PTPRD: variants seen among roughly 807,000 people sequenced by gnomAD.
PTPRD encodes protein tyrosine phosphatase receptor type D, also known as receptor-type tyrosine-protein phosphatase delta.
A neutral mutation model predicts 214.5 loss-of-function variants in PTPRD; 34 were observed. The ratio of observed to expected loss-of-function variants is 0.16; its 90% confidence interval spans 0.12 to 0.21. PTPRD has a LOEUF of 0.21. PTPRD is among the 10% of genes least tolerant of loss of function. PTPRD has a pLI of 1.00. For missense variants in PTPRD, 2,545 were observed against 2,398.7 expected (o/e 1.06, Z -1.27); for synonymous variants, 1,128 against 845.7 (o/e 1.33, Z -5.79).
chr9:9,202,650 A>C (rs971033235), intron 9 of PTPRD, among the ~76,000 whole-genome samples: 3 of 152,188 alleles, frequency 2.0e-5, no homozygotes, highest in African/African-American at 7.2e-5. Context: ...TCTGTCTTGC[A>C]GTTGTGAATT....
At chr9:9,857,758 C>G (rs2061832462) in intron 5 of PTPRD, among the ~76,000 whole-genome samples, 2 of 152,146 alleles carry the variant, frequency 1.3e-5, no homozygotes, top group African/African-American at 4.8e-5. Flanking sequence ...GCAAACACTC[C>G]TCACGGACCA....
At chr9:9,350,617 G>A (rs1307955201) in intron 9 of PTPRD, among the ~76,000 whole-genome samples, 1 of 151,994 alleles carries the variant, frequency 6.6e-6, no homozygotes, top group African/African-American at 2.4e-5. Flanking sequence ...CTTTGGTGAT[G>A]TAGTATCCTC....
At chr9:9,122,722 C>T (rs866177342) in intron 10 of PTPRD, among the ~76,000 whole-genome samples, 10 of 152,152 alleles carry the variant, frequency 6.6e-5, no homozygotes, top group East Asian at 1.9e-4. Context: ...CATTTAGCTA[C>T]GTTCTGTTTT....
At chr9:8,643,463 A>C (rs906738909) in intron 12 of PTPRD, among the ~76,000 whole-genome samples, 4 of 152,318 alleles carry the variant, frequency 2.6e-5, no homozygotes, top group Non-Finnish European at 2.9e-5. Context: ...TTCTGATCTA[A>C]TTGTGAACCC....
chr9:10,320,075 T>G (rs537710592), intron 3 of PTPRD, among the ~76,000 whole-genome samples: 2 of 152,158 alleles, frequency 1.3e-5, no homozygotes, highest in East Asian at 3.9e-4. Context: ...CTAAAATCTT[T>G]ACATGTTATA....
intron 5 of PTPRD, among the ~76,000 whole-genome samples, chr9:9,789,810 A>T (rs1420867594): frequency 6.6e-6 from 1 of 151,096 alleles, no homozygotes; most frequent in Non-Finnish European, 1.5e-5. Flanking sequence ...AAAAAAAAAA[A>T]AAAAAAAAAA....
At chr9:9,022,734 T>G (rs2099574113) in intron 10 of PTPRD, among the ~76,000 whole-genome samples, 1 of 152,190 alleles carries the variant, frequency 6.6e-6, no homozygotes, top group Non-Finnish European at 1.5e-5. Context: ...ACTTGAACAC[T>G]TTTTCTTTGC....
intron 4 of PTPRD, among the ~76,000 whole-genome samples, chr9:9,973,025 G>C (rs17305340): frequency 0.042 from 6,375 of 152,118 alleles, 174 homozygotes; most frequent in Non-Finnish European, 0.064. Context: ...GAGAAGGAGG[G>C]AACACATTAA....
At chr9:9,911,529 T>TA (rs1412906559) in intron 5 of PTPRD, among the ~76,000 whole-genome samples, 3 of 152,112 alleles carry the variant, frequency 2.0e-5, no homozygotes, top group African/African-American at 7.2e-5. Flanking sequence ...GTTATACTGC[T>TA]AAAATAAAAT....
intron 11 of PTPRD, among the ~76,000 whole-genome samples, chr9:8,817,328 C>G (rs762440649): frequency 2.0e-5 from 3 of 152,154 alleles, no homozygotes; most frequent in Non-Finnish European, 4.4e-5. Context: ...CTTTCATATT[C>G]CTATCTTTAA....
chr9:9,180,654 G>A (rs1253112915), intron 10 of PTPRD, among the ~76,000 whole-genome samples: 3 of 152,088 alleles, frequency 2.0e-5, no homozygotes, highest in Non-Finnish European at 2.9e-5. Flanking sequence ...CAGGACTGAT[G>A]TATAACACTC....
At chr9:10,576,138 T>A (rs2069234371) in intron 2 of PTPRD, among the ~76,000 whole-genome samples, 1 of 152,190 alleles carries the variant, frequency 6.6e-6, no homozygotes, top group African/African-American at 2.4e-5. Context: ...CTTGGGAAGC[T>A]AAAATGCATT....
At chr9:10,333,386 ATAT>A (rs1471982088) in intron 3 of PTPRD, among the ~76,000 whole-genome samples, 1 of 151,784 alleles carries the variant, frequency 6.6e-6, no homozygotes, top group Non-Finnish European at 1.5e-5. Context: ...TGTACCGTTC[ATAT>A]TATTTTCTTC....
At chr9:9,457,881 A>C (rs554715650) in intron 8 of PTPRD, among the ~76,000 whole-genome samples, 1 of 152,078 alleles carries the variant, frequency 6.6e-6, no homozygotes, top group Non-Finnish European at 1.5e-5. Flanking sequence ...CTAACACTAT[A>C]AATTATATCC....
chr9:8,504,489 C>T, intron 22 of PTPRD, 84 bp from the exon 23 acceptor site: 1 of 1,454,720 alleles, frequency 6.9e-7, no homozygotes, highest in Non-Finnish European at 9.5e-7. Flanking sequence ...CATCAGATTT[C>T]TATCATCAGG....
chr9:9,244,137 G>C (rs541953487), intron 9 of PTPRD, among the ~76,000 whole-genome samples: 1 of 152,036 alleles, frequency 6.6e-6, no homozygotes, highest in African/African-American at 2.4e-5. Flanking sequence ...AAATAAAAGA[G>C]GATACAAACA....
At chr9:9,144,892 T>C (rs1344946858) in intron 10 of PTPRD, among the ~76,000 whole-genome samples, 3 of 152,230 alleles carry the variant, frequency 2.0e-5, no homozygotes, top group African/African-American at 7.2e-5. Context: ...TTTAATTGCA[T>C]CTTTAAAGTA....
chr9:8,369,328 T>C (rs1196236360), intron 39 of PTPRD, among the ~76,000 whole-genome samples: 1 of 152,046 alleles, frequency 6.6e-6, no homozygotes, highest in Non-Finnish European at 1.5e-5. Flanking sequence ...CACTATTGGG[T>C]TGGGCTTAGG....
intron 12 of PTPRD, among the ~76,000 whole-genome samples, chr9:8,720,529 C>T (rs2098481687): frequency 6.6e-6 from 1 of 152,130 alleles, no homozygotes; most frequent in African/African-American, 2.4e-5. Flanking sequence ...TAAAAAGTGA[C>T]AACATGATCA....
Sources: allele counts gnomAD v4.1 joint callset (sites outside exome capture counted in the v4.1 genomes callset), GRCh38; gene constraint gnomAD v4.1.1; transcripts MANE v1.5; gene names NCBI Gene and HGNC (gene_info 2026-07-23, HGNC 2026-07-21).